Variants in TSPEAR observed in about 807,000 individuals in gnomAD.
TSPEAR encodes the protein thrombospondin-type laminin G domain and EAR repeat-containing protein.
In TSPEAR, 69 loss-of-function variants were observed where a neutral mutation model predicts 71.6. The observed-to-expected ratio is 0.96, with a 90% confidence interval of 0.79 to 1.18. The LOEUF (loss-of-function observed/expected upper bound fraction) is 1.18, where lower values mean the gene tolerates loss of function less well. Among genes scored for constraint, TSPEAR ranks in the 50% most tolerant of loss-of-function variants. The pLI is 0.00. For synonymous variants in TSPEAR, 402 were observed against 387.2 expected, an observed-to-expected ratio of 1.04 and a Z score of -0.45; for missense variants, 971 against 894.9, an observed-to-expected ratio of 1.09 and a Z score of -1.09.
In TSPEAR at chr21:44,562,956, T is replaced by C. The variant is rs374238615; in HGVS notation, c.303+4829A>G. ...AGCAGTAAAACTAATTATGTAATTA[T>C]AAAAAGTAGTACAAATGCATATTTT... On this transcript the variant is annotated intron_variant, in intron 2 of 11. Coordinates refer to ENST00000323084, the MANE Select transcript of TSPEAR (RefSeq NM_144991.3). 5.3e-5 allele frequency among the ~76,000 whole-genome samples: 8 copies of C among 152,316 alleles called. No individual in the cohort carries two copies. The East Asian group carries it at 1.2e-3, about 22-fold the overall frequency.
intron 1 of TSPEAR, among the ~76,000 whole-genome samples, chr21:44,569,105 CCTTGCACCGCCA>C (rs2053749075): frequency 6.6e-6 from 1 of 152,212 alleles, no homozygotes; most frequent in African/African-American, 2.4e-5. Flanking sequence ...CACAGCCCTT[CCTTGCACCGCCA>C]CGTGCATCGC....
intron 2 of TSPEAR, among the ~76,000 whole-genome samples, chr21:44,549,638 T>G (rs1555918249): frequency 6.6e-6 from 1 of 152,252 alleles, no homozygotes. Context: ...TGCCTGCATT[T>G]GCATTTCTAG....
At chr21:44,627,909 C>T (rs782293511) in intron 1 of TSPEAR, 18 of 1,521,004 alleles carry the variant, frequency 1.2e-5, no homozygotes, top group Admixed American at 5.8e-5. Flanking sequence ...GCTGCGTGCC[C>T]GTCTCCTCCT....
chr21:44,628,023 C>T (rs1215876311), intron 1 of TSPEAR: 13 of 1,613,370 alleles, frequency 8.1e-6, no homozygotes, highest in East Asian at 2.2e-5. Context: ...GCTACAGCTT[C>T]TCCTCAGGCC....
At chr21:44,598,195 T>C (rs1980497890) in intron 1 of TSPEAR, among the ~76,000 whole-genome samples, 1 of 152,222 alleles carries the variant, frequency 6.6e-6, no homozygotes, top group Non-Finnish European at 1.5e-5. Flanking sequence ...ACTGGCTCTC[T>C]AGTTTCCCGT....
intron 1 of TSPEAR, among the ~76,000 whole-genome samples, chr21:44,590,684 T>C (rs1182243252): frequency 6.6e-6 from 1 of 152,120 alleles, no homozygotes; most frequent in Non-Finnish European, 1.5e-5. Flanking sequence ...GGGGTGAGGC[T>C]GCTGGCTGGA....
chr21:44,689,691 T>A, intron 1 of TSPEAR, among the ~76,000 whole-genome samples: 1 of 80,246 alleles, frequency 1.2e-5, no homozygotes, highest in East Asian at 3.2e-4. Flanking sequence ...TAGGGTTCCC[T>A]TAGAGGGACA....
intron 3 of TSPEAR, 53 bp downstream of exon 3, chr21:44,533,632 G>C: frequency 6.9e-7 from 1 of 1,455,248 alleles, no homozygotes; most frequent in Non-Finnish European, 9.5e-7. Flanking sequence ...AGGATGCCTG[G>C]CCTGGCAGGA....
chr21:44,528,111 C>T (rs587720472), intron 6 of TSPEAR, among the ~76,000 whole-genome samples: 2 of 152,294 alleles, frequency 1.3e-5, no homozygotes, highest in South Asian at 4.1e-4. Context: ...GATGCCCAGC[C>T]CTGTCAGCCC....
At chr21:44,682,322 T>C (rs1425581892) in intron 1 of TSPEAR, among the ~76,000 whole-genome samples, 1 of 152,228 alleles carries the variant, frequency 6.6e-6, no homozygotes, top group Non-Finnish European at 1.5e-5. Context: ...TCTGGCCCTT[T>C]GTTTCGTGAC....
intron 2 of TSPEAR, among the ~76,000 whole-genome samples, chr21:44,540,982 T>A (rs116976803): frequency 0.015 from 2,248 of 152,056 alleles, 33 homozygotes; most frequent in East Asian, 0.058. Flanking sequence ...AAATTTATTT[T>A]TTTTTTTTTT....
At chr21:44,500,002 C>T in intron 11 of TSPEAR, 66 bp from the exon 12 acceptor site, 1 of 1,489,648 alleles carries the variant, frequency 6.7e-7, no homozygotes, top group Non-Finnish European at 8.9e-7. Context: ...TCCCCCGGCT[C>T]CCACCCGCGC....
chr21:44,652,906 C>T (rs1555941746), intron 1 of TSPEAR, among the ~76,000 whole-genome samples: 3 of 152,130 alleles, frequency 2.0e-5, no homozygotes, highest in Non-Finnish European at 4.4e-5. Flanking sequence ...CCTGTAATCC[C>T]AGCACTTTGG....
Position 44,695,815 on chromosome 21 carries a change from C to A in TSPEAR, c.82+15618G>T, listed in dbSNP as rs1251366372. On this transcript the variant is annotated intron_variant, in intron 1 of 11. Coordinates refer to ENST00000323084, the MANE Select transcript of TSPEAR (RefSeq NM_144991.3). This position sits in a 1 kb window ranked among gnomAD's most constrained non-coding sequence, Gnocchi z 4.5. Reference sequence around the variant, plus strand: ...TTTACAACGCAGAGACCAGCAGACACCACACACCAGGGCTTTTCACTTCAA... The same window carrying A: ...TTTACAACGCAGAGACCAGCAGACAACACACACCAGGGCTTTTCACTTCAA... 1.3e-5 allele frequency among the ~76,000 whole-genome samples: 2 copies of A among 152,084 alleles called. No homozygotes were observed. Among genetic ancestry groups the A allele is most frequent in the Non-Finnish European group, 2.9e-5 (2 of 68,026 alleles).
rs373324101 is a variant in TSPEAR at position 44,533,961 on chromosome 21, G to A, written c.304-38C>T. On this transcript the variant is annotated intron_variant, in intron 2 of 11. Coordinates refer to ENST00000323084, the MANE Select transcript of TSPEAR (RefSeq NM_144991.3). ...GGCCAGGCTCAGGACGGGGCTGGGG[G>A]TAGGGGTCGGGTGCGGGGGCAGGGC... The A allele has an allele frequency of 1.1e-5, 15 of 1,345,102 alleles. No individual in the cohort carries two copies. In the African/African-American group the frequency reaches 1.8e-4, roughly 16 times the overall value. The allele number at this position is 1,345,102 out of a possible 1,614,324, so 83.3% of individuals were successfully genotyped here.
At chr21:44,670,191 G>A (rs1985988490) in intron 1 of TSPEAR, among the ~76,000 whole-genome samples, 1 of 152,194 alleles carries the variant, frequency 6.6e-6, no homozygotes, top group Admixed American at 6.5e-5. Context: ...GCCCCAAGAA[G>A]TTCATGGTAA....
At chr21:44,700,151 T>C (rs1419515341) in intron 1 of TSPEAR, among the ~76,000 whole-genome samples, 2 of 152,176 alleles carry the variant, frequency 1.3e-5, no homozygotes, top group African/African-American at 4.8e-5. Context: ...AGAAAGCATG[T>C]TCTTTGTCCA....
chr21:44,579,530 G>GAA, intron 1 of TSPEAR: 1 of 599,684 alleles, frequency 1.7e-6, no homozygotes, highest in Non-Finnish European at 2.9e-6. Flanking sequence ...AGTGACATGG[G>GAA]GCAGAGAAGC....
intron 1 of TSPEAR, among the ~76,000 whole-genome samples, chr21:44,674,784 G>A (rs1273137151): frequency 1.2e-4 from 15 of 126,374 alleles, no homozygotes; most frequent in African/African-American, 3.1e-4. Flanking sequence ...GTGTGTGTGT[G>A]TATAACATTA....
Sources: allele counts gnomAD v4.1 joint callset (sites outside exome capture counted in the v4.1 genomes callset), GRCh38; gene constraint gnomAD v4.1.1; non-coding constraint Gnocchi (gnomAD v3.1); transcripts MANE v1.5; gene names NCBI Gene and HGNC (gene_info 2026-07-23, HGNC 2026-07-21).